Variants in CACNB2 observed in about 807,000 individuals in gnomAD.
The protein encoded by CACNB2 is voltage-dependent L-type calcium channel subunit beta-2.
In CACNB2, 42 loss-of-function variants were observed where a neutral mutation model predicts 73.3. The observed-to-expected ratio is 0.57, with a 90% CI of 0.45 to 0.74. The LOEUF (loss-of-function observed/expected upper bound fraction) is 0.74. CACNB2 is among the 30% of genes least tolerant of loss of function. The pLI, the probability that CACNB2 is intolerant of heterozygous loss-of-function variation, is 0.00. For missense variants in CACNB2, 940 were observed against 853.0 expected, an observed-to-expected ratio of 1.10 and a Z score of -1.27; for synonymous variants, 348 against 310.3, an observed-to-expected ratio of 1.12 and a Z score of -1.28.
chr10:18,257,448 C>T (rs2037330648), intron 2 of CACNB2: 1 of 152,252 alleles, frequency 6.6e-6, no homozygotes, highest in Non-Finnish European at 1.5e-5. Flanking sequence ...TGGTGGAGAA[C>T]TGAGTTTAGA....
chr10:18,379,165 C>T (rs1399151402), intron 2 of CACNB2, among the ~76,000 whole-genome samples: 1 of 152,138 alleles, frequency 6.6e-6, no homozygotes, highest in Non-Finnish European at 1.5e-5. Flanking sequence ...GCAAAACATA[C>T]ATAATATAAA....
chr10:18,305,299 T>G (rs1414284899), intron 2 of CACNB2, among the ~76,000 whole-genome samples: 2 of 152,224 alleles, frequency 1.3e-5, no homozygotes, highest in Non-Finnish European at 2.9e-5. Flanking sequence ...GCAGCTTTTA[T>G]TGGTTAAGTT....
At chr10:18,450,422 G>A (rs1229803477) in intron 3 of CACNB2, among the ~76,000 whole-genome samples, 2 of 152,142 alleles carry the variant, frequency 1.3e-5, no homozygotes, top group South Asian at 2.1e-4. Context: ...AATAAGAAGG[G>A]CCTGTGGTGA....
chr10:18,421,528 G>A (rs888977074), intron 3 of CACNB2, among the ~76,000 whole-genome samples: 1 of 152,026 alleles, frequency 6.6e-6, no homozygotes, highest in Non-Finnish European at 1.5e-5. Flanking sequence ...TCAAACTCCC[G>A]ACCTCAGGTG....
intron 3 of CACNB2, among the ~76,000 whole-genome samples, chr10:18,410,456 A>C (rs917759512): frequency 2.9e-4 from 44 of 152,210 alleles, no homozygotes; most frequent in African/African-American, 9.9e-4. Flanking sequence ...TTTGAAGAAG[A>C]AAGAAGAAAC....
intron 2 of CACNB2, chr10:18,261,318 G>GT: frequency 5.8e-6 from 9 of 1,551,576 alleles, no homozygotes; most frequent in Non-Finnish European, 7.8e-6. Context: ...GGTGTCCTAT[G>GT]TAAGTTTCTA....
intron 2 of CACNB2, among the ~76,000 whole-genome samples, chr10:18,253,093 A>G (rs143272998): frequency 1.2e-4 from 19 of 152,224 alleles, no homozygotes; most frequent in African/African-American, 3.4e-4. Flanking sequence ...CAGTGCCTCA[A>G]TCACTTCGTA....
At chr10:18,384,730 A>G (rs1487682756) in intron 2 of CACNB2, among the ~76,000 whole-genome samples, 1 of 151,104 alleles carries the variant, frequency 6.6e-6, no homozygotes, top group African/African-American at 2.4e-5. Context: ...ACCCTGTCTC[A>G]AAACAACAAC....
chr10:18,385,295 C>A (rs4748458), intron 2 of CACNB2, among the ~76,000 whole-genome samples: 1 of 146,274 alleles, frequency 6.8e-6, no homozygotes, highest in East Asian at 2.0e-4. Flanking sequence ...AAAAAAAAAA[C>A]GGTTGCCTTA....
At chr10:18,281,287 C>G (rs1400352658) in intron 2 of CACNB2, among the ~76,000 whole-genome samples, 1 of 152,184 alleles carries the variant, frequency 6.6e-6, no homozygotes, top group Non-Finnish European at 1.5e-5. Context: ...AAAAAGAGGT[C>G]ACACTCAAGA....
At chr10:18,368,440 A>G (rs1348439067) in intron 2 of CACNB2, among the ~76,000 whole-genome samples, 2 of 152,210 alleles carry the variant, frequency 1.3e-5, no homozygotes, top group African/African-American at 4.8e-5. Flanking sequence ...AGTAATGCAG[A>G]AATGCATCCA....
In CACNB2 at chr10:18,502,714, A is replaced by C. The variant is rs867406353; in HGVS notation, c.593+1766A>C. 2.9e-3 allele frequency among the ~76,000 whole-genome samples: 175 copies of C among 61,154 alleles called. 1 individual carries two copies. The highest frequency in any genetic ancestry group is 0.01 in the African/African-American group (168 of 16,076). 40.1% of individuals were successfully genotyped at this position (61,154 alleles called of 152,430 possible). A position where few individuals can be genotyped will look rare whatever the true frequency, so the allele number is the denominator to read the frequency against. ...CAAAAAAAAAAAAAAAAAAAAAAAAAAAAAAAAAAACCGCATGTTTTTACT... is the reference window on the plus strand; with the variant it reads ...CAAAAAAAAAAAAAAAAAAAAAAAACAAAAAAAAAACCGCATGTTTTTACT... On this transcript the variant is annotated intron_variant, in intron 5 of 13. Transcript: ENST00000324631.
chr10:18,179,069 A>C (rs1053741683), intron 2 of CACNB2, among the ~76,000 whole-genome samples: 1 of 152,198 alleles, frequency 6.6e-6, no homozygotes, highest in Non-Finnish European at 1.5e-5. Flanking sequence ...TCTAGGCCTT[A>C]CTGCGGAACA....
rs1164745930 is a variant in CACNB2, at chr10:18,228,433, C to CAAAAAAAAAAAAAAAAAAAAAAAAAAA, written c.213+77474_213+77475insAAAAAAAAAAAAAAAAAAAAAAAAAAA. On this transcript the variant is annotated intron_variant, in intron 2 of 13. Coordinates refer to ENST00000324631, the MANE Select transcript of CACNB2 (RefSeq NM_201596.3). The stretch of plus-strand genomic sequence containing the variant: ...GAGCAACAAGAGCAAAACTCTACCT[C>CAAAAAAAAAAAAAAAAAAAAAAAAAAA]AAAAAAAAAAAAAAAAGAAAAAAAA... Among the ~76,000 whole-genome samples the CAAAAAAAAAAAAAAAAAAAAAAAAAAA allele has an allele frequency of 8.0e-4, 28 of 34,794 alleles. 2 individuals are homozygous for CAAAAAAAAAAAAAAAAAAAAAAAAAAA. Among genetic ancestry groups the CAAAAAAAAAAAAAAAAAAAAAAAAAAA allele is most frequent in the Admixed American group, 1.7e-3 (3 of 1,768 alleles). 22.8% of individuals were successfully genotyped at this position (34,794 alleles called of 152,430 possible). A position where few individuals can be genotyped will look rare whatever the true frequency, so the allele number is the denominator to read the frequency against.
chr10:18,327,348 A>G (rs1341379565), intron 2 of CACNB2, among the ~76,000 whole-genome samples: 2 of 152,220 alleles, frequency 1.3e-5, no homozygotes, highest in African/African-American at 4.8e-5. Context: ...CAAAAATATC[A>G]GATATACCTA....
intron 2 of CACNB2, among the ~76,000 whole-genome samples, chr10:18,384,105 A>G (rs1037650990): frequency 6.6e-6 from 1 of 152,190 alleles, no homozygotes; most frequent in Non-Finnish European, 1.5e-5. Flanking sequence ...CAAGGTTATC[A>G]GGGCCAAAGA....
intron 5 of CACNB2, among the ~76,000 whole-genome samples, chr10:18,505,576 G>A (rs2050443336): frequency 6.6e-6 from 1 of 152,102 alleles, no homozygotes; most frequent in South Asian, 2.1e-4. Context: ...CATAAACACT[G>A]TAGCAAATTC....
At chr10:18,232,563 T>TG (rs1281844299) in intron 2 of CACNB2, among the ~76,000 whole-genome samples, 1 of 152,182 alleles carries the variant, frequency 6.6e-6, no homozygotes, top group Non-Finnish European at 1.5e-5. Flanking sequence ...ATATGCTTTT[T>TG]GGGGGTCAGA....
At chr10:18,193,700 A>G (rs984696054) in intron 2 of CACNB2, among the ~76,000 whole-genome samples, 6 of 152,108 alleles carry the variant, frequency 3.9e-5, no homozygotes, top group Admixed American at 1.3e-4. Context: ...CTGGTGGGCT[A>G]TGGAGGAGTG....
Sources: gnomAD v4.1 joint callset for allele counts (sites outside exome capture counted in the v4.1 genomes callset) on GRCh38, gnomAD v4.1.1 for gene constraint, MANE v1.5 for transcripts, NCBI Gene and HGNC (gene_info 2026-07-23, HGNC 2026-07-21) for gene names.